Variants in PRKACA observed in about 807,000 individuals in gnomAD.
PRKACA encodes protein kinase cAMP-activated catalytic subunit alpha, also known as cAMP-dependent protein kinase catalytic subunit alpha.
A neutral mutation model predicts 45.8 loss-of-function variants in PRKACA; 9 were observed. The ratio of observed to expected loss-of-function variants is 0.20; its 90% CI spans 0.12 to 0.34. The LOEUF (loss-of-function observed/expected upper bound fraction) is 0.34, where lower values mean the gene tolerates loss of function less well. PRKACA is among the 10% of genes least tolerant of loss of function. PRKACA has a pLI of 1.00. For synonymous variants in PRKACA, 160 were observed against 178.6 expected, an observed-to-expected ratio of 0.90 and a Z score of 0.83; for missense variants, 238 against 458.6, an observed-to-expected ratio of 0.52 and a Z score of 4.39.
intron 1 of PRKACA, among the ~76,000 whole-genome samples, chr19:14,116,965 G>T (rs527739003): frequency 8.6e-5 from 13 of 151,430 alleles, no homozygotes; most frequent in Admixed American, 5.3e-4. Flanking sequence ...GGTTTGGAAG[G>T]GGGGGCTGTG....
At chr19:14,101,951 G>A (rs1487011502) in intron 4 of PRKACA, among the ~76,000 whole-genome samples, 1 of 152,090 alleles carries the variant, frequency 6.6e-6, no homozygotes, top group African/African-American at 2.4e-5. Context: ...ATCACTTGAG[G>A]TCAGGAGTTC....
chr19:14,097,793 G>T lies in PRKACA; in HGVS notation c.517C>A (p.Leu173Met), dbSNP rs537279998. The T allele has an allele frequency of 6.2e-7, 1 of 1,614,192 alleles. No individual in the cohort carries two copies. The highest frequency in any genetic ancestry group is 1.1e-5 in the South Asian group (1 of 91,086). Residue 173 changes from leucine (L) to methionine (M), a missense_variant, in exon 6 of 10, where the codon CTG becomes ATG. Physicochemically the swap from Leu to Met is conservative, Grantham distance 15 (BLOSUM62 2). Transcript: ENST00000308677. This position sits in a 1 kb window ranked among gnomAD's most constrained non-coding sequence, Gnocchi z 5.4. The part of the protein sequence containing the change: ...LIYRDLKPEN[L>M]LIDQQGYIQV... ...ATGTAGCCCTGCTGGTCAATGAGCAGATTCTCCGGCTTCAGGTCCCTGTAG... is the reference window on the plus strand; with the variant it reads ...ATGTAGCCCTGCTGGTCAATGAGCATATTCTCCGGCTTCAGGTCCCTGTAG...
intron 9 of PRKACA, 76 bp downstream of exon 9, chr19:14,093,552 A>G (rs41296302): frequency 3.3e-6 from 5 of 1,512,130 alleles, no homozygotes; most frequent in African/African-American, 2.8e-5. Flanking sequence ...TCTCTTCTCT[A>G]TTTCTCTATT....
chr19:14,113,090 G>A (rs991197022), intron 1 of PRKACA, among the ~76,000 whole-genome samples: 3 of 152,096 alleles, frequency 2.0e-5, no homozygotes, highest in African/African-American at 4.8e-5. Flanking sequence ...GCTCCTATGC[G>A]GGGGTGGAGA....
rs1977417971 is a variant in PRKACA at position 14,100,754 on chromosome 19, AG to A, written c.419+71del. On this transcript the variant is annotated intron_variant, in intron 5 of 9. Coordinates refer to ENST00000308677, the MANE Select transcript of PRKACA (RefSeq NM_002730.4). ...GTATGCTGGACTCCTCTGCATTCCCAGGGGGCTTGGTCGTGCACTGCCACCT... is the reference window on the plus strand; with the variant it reads ...GTATGCTGGACTCCTCTGCATTCCCAGGGGCTTGGTCGTGCACTGCCACCT... 5 of 1,474,498 alleles carry A rather than the reference AG, an allele frequency of 3.4e-6. No individual in the cohort carries two copies. In the East Asian group the frequency reaches 9.1e-5, roughly 27 times the overall value. The allele number at this position is 1,474,498 out of a possible 1,614,324, so 91.3% of individuals were successfully genotyped here.
intron 3 of PRKACA, among the ~76,000 whole-genome samples, chr19:14,104,460 G>T (rs961151629): frequency 6.6e-6 from 1 of 151,836 alleles, no homozygotes; most frequent in African/African-American, 2.4e-5. Context: ...ACTTTGGGAG[G>T]CCGAGGCCGG....
At chr19:14,116,529 G>T (rs1310459006) in intron 1 of PRKACA, among the ~76,000 whole-genome samples, 1 of 152,102 alleles carries the variant, frequency 6.6e-6, no homozygotes, top group East Asian at 1.9e-4. Flanking sequence ...TTCATCCCAA[G>T]CCAGGAGTGG....
At chr19:14,103,622 C>T (rs1977509010) in intron 3 of PRKACA, among the ~76,000 whole-genome samples, 1 of 152,228 alleles carries the variant, frequency 6.6e-6, no homozygotes, top group African/African-American at 2.4e-5. Flanking sequence ...CTGTCAACTG[C>T]TTTGCTCACA....
chr19:14,098,652 C>T (rs1383108751), intron 5 of PRKACA, among the ~76,000 whole-genome samples: 4 of 151,524 alleles, frequency 2.6e-5, no homozygotes, highest in African/African-American at 4.9e-5. Context: ...TGCACCACCA[C>T]GCCCGGCTAA....
chr19:14,109,999 T>TATACACACACACACACACACAC (rs1555774928), intron 1 of PRKACA, among the ~76,000 whole-genome samples: 1 of 55,466 alleles, frequency 1.8e-5, no homozygotes, highest in African/African-American at 1.0e-4. Context: ...TATATATATA[T>TATACACACACACACACACACAC]ACACACACAC....
chr19:14,107,264 A>T, intron 2 of PRKACA, 84 bp downstream of exon 2: 1 of 1,411,652 alleles, frequency 7.1e-7, no homozygotes, highest in Admixed American at 1.9e-5. Flanking sequence ...GGTTTCTGAA[A>T]TTCTAGCTGT....
Position 14,109,937 on chromosome 19 carries a change from C to CAAA in PRKACA, c.47-2531_47-2529dup, listed in dbSNP as rs869056089. Among the ~76,000 whole-genome samples, 10 of 17,548 alleles carry CAAA rather than the reference C, an allele frequency of 5.7e-4. 1 individual carries two copies. Among genetic ancestry groups the CAAA allele is most frequent in the South Asian group, 4.7e-3 (1 of 214 alleles). The allele number at this position is 17,548 out of a possible 152,430, so 11.5% of individuals were successfully genotyped here. On this transcript the variant is annotated intron_variant, in intron 1 of 9. Coordinates refer to ENST00000308677, the MANE Select transcript of PRKACA (RefSeq NM_002730.4). Reference sequence around the variant, plus strand: ...TAGGCGACAGAGTGAGACTCTGTCTCAAAAAAAAAAAAAAAAAAAAAAAAA... The same window carrying CAAA: ...TAGGCGACAGAGTGAGACTCTGTCTCAAAAAAAAAAAAAAAAAAAAAAAAAAAA...
intron 5 of PRKACA, among the ~76,000 whole-genome samples, chr19:14,100,147 T>G (rs1448330320): frequency 6.6e-6 from 1 of 151,890 alleles, no homozygotes; most frequent in Non-Finnish European, 1.5e-5. Context: ...CCAGCCAATT[T>G]TTTTTTTTTA....
intron 9 of PRKACA, 119 bp downstream of exon 9, chr19:14,093,509 G>C: frequency 7.5e-7 from 1 of 1,334,166 alleles, no homozygotes; most frequent in Non-Finnish European, 1.0e-6. Flanking sequence ...ACTGCTCTAA[G>C]CTCTCTACTC....
At chr19:14,094,182 T>G (rs1977177672) in intron 8 of PRKACA, among the ~76,000 whole-genome samples, 2 of 135,090 alleles carry the variant, frequency 1.5e-5, no homozygotes, top group South Asian at 4.7e-4. Context: ...CATTTCTTTT[T>G]TTGAAAAAAA....
intron 1 of PRKACA, 95 bp downstream of exon 1, chr19:14,117,407 T>C: frequency 8.8e-7 from 1 of 1,141,360 alleles, no homozygotes; most frequent in African/African-American, 1.7e-5. Flanking sequence ...GCAGAGAGGA[T>C]GAGGGGCCCC....
intron 3 of PRKACA, among the ~76,000 whole-genome samples, chr19:14,104,855 A>G (rs1419197822): frequency 6.6e-6 from 1 of 152,088 alleles, no homozygotes; most frequent in African/African-American, 2.4e-5. Flanking sequence ...CCTGGGCAAC[A>G]AGAGCGAAAC....
intron 3 of PRKACA, 98 bp downstream of exon 3, chr19:14,106,662 G>C (rs569313368): frequency 1.3e-6 from 2 of 1,514,192 alleles, no homozygotes; most frequent in South Asian, 2.4e-5. Context: ...TCAAAAAAAA[G>C]CAAGTGAGTG....
chr19:14,104,026 C>A (rs1977525114), intron 3 of PRKACA, among the ~76,000 whole-genome samples: 1 of 151,576 alleles, frequency 6.6e-6, no homozygotes, highest in Admixed American at 6.6e-5. Context: ...GGCAACAGAG[C>A]AAGACCCTGT....
Sources: gnomAD v4.1 joint callset for allele counts (sites outside exome capture counted in the v4.1 genomes callset) on GRCh38, gnomAD v4.1.1 for gene constraint, Gnocchi (gnomAD v3.1) non-coding constraint, MANE v1.5 for transcripts, NCBI Gene and HGNC (gene_info 2026-07-23, HGNC 2026-07-21) for gene names.